ZNF704: variants seen among roughly 807,000 people sequenced by gnomAD.
The protein encoded by ZNF704 is zinc finger protein 704.
ZNF704 carries 10 observed loss-of-function variants against 44.7 expected under a neutral mutation model. The ratio of observed to expected loss-of-function variants is 0.22; its 90% CI spans 0.14 to 0.38. The LOEUF (loss-of-function observed/expected upper bound fraction) is 0.38, where lower values mean the gene tolerates loss of function less well. ZNF704 is among the 10% of genes least tolerant of loss of function. The pLI is 1.00. For missense variants in ZNF704, 390 were observed against 545.5 expected (o/e 0.71, Z 2.84); for synonymous variants, 211 against 207.6 (o/e 1.02, Z -0.14).
chr8:80,700,998 C>T (rs1271007577), intron 2 of ZNF704, among the ~76,000 whole-genome samples: 1 of 152,078 alleles, frequency 6.6e-6, no homozygotes, highest in Non-Finnish European at 1.5e-5. Flanking sequence ...TACTTCTGAC[C>T]TAGAACAGCT....
chr8:80,863,902 C>T (rs1019228964), intron 1 of ZNF704, among the ~76,000 whole-genome samples: 2 of 152,138 alleles, frequency 1.3e-5, no homozygotes, highest in African/African-American at 4.8e-5. Flanking sequence ...ATTAAATACA[C>T]TTTCCTGGAT....
chr8:80,704,292 T>C (rs115092668), intron 2 of ZNF704, among the ~76,000 whole-genome samples: 377 of 152,360 alleles, frequency 2.5e-3, no homozygotes, highest in African/African-American at 8.4e-3. Flanking sequence ...GCGCTTTTGA[T>C]TGCAGCCAAC....
At chr8:80,664,074 C>G (rs1453544185) in intron 6 of ZNF704, among the ~76,000 whole-genome samples, 1 of 151,100 alleles carries the variant, frequency 6.6e-6, no homozygotes, top group South Asian at 2.1e-4. Context: ...TGCCAGGCAC[C>G]ATTTTGAGGG....
chr8:80,651,910 G>C (rs1431349394), intron 7 of ZNF704, among the ~76,000 whole-genome samples: 27 of 151,844 alleles, frequency 1.8e-4, no homozygotes, highest in Non-Finnish European at 1.3e-4. Flanking sequence ...TGACCACATA[G>C]TTGGAAGTAA....
At chr8:80,645,469 G>A (rs559667103) in intron 7 of ZNF704, among the ~76,000 whole-genome samples, 2 of 152,284 alleles carry the variant, frequency 1.3e-5, no homozygotes, top group East Asian at 1.9e-4. Flanking sequence ...TGAATTTCAT[G>A]TTGAAAAGTA....
intron 2 of ZNF704, among the ~76,000 whole-genome samples, chr8:80,759,516 C>G (rs1056900843): frequency 1.3e-5 from 2 of 152,142 alleles, no homozygotes; most frequent in Non-Finnish European, 2.9e-5. Context: ...GTGTCACCTT[C>G]ATAATTAGGC....
At chr8:80,658,011 T>C (rs1448345543) in intron 7 of ZNF704, among the ~76,000 whole-genome samples, 1 of 152,102 alleles carries the variant, frequency 6.6e-6, no homozygotes, top group African/African-American at 2.4e-5. Context: ...TATCCTAGTG[T>C]GTAAGACACA....
chr8:80,862,597 CAA>C (rs10523461), intron 1 of ZNF704, among the ~76,000 whole-genome samples: 17 of 100,066 alleles, frequency 1.7e-4, no homozygotes, highest in African/African-American at 1.7e-4. Context: ...TTGTCTCTAC[CAA>C]AAAAAAAAAA....
intron 1 of ZNF704, among the ~76,000 whole-genome samples, chr8:80,854,252 C>A (rs1808920568): frequency 6.6e-6 from 1 of 152,184 alleles, no homozygotes; most frequent in Non-Finnish European, 1.5e-5. Context: ...ATTTCCATTA[C>A]ATGTTAACCC....
intron 1 of ZNF704, among the ~76,000 whole-genome samples, chr8:80,866,442 A>G (rs1415876726): frequency 1.3e-5 from 2 of 152,200 alleles, no homozygotes; most frequent in Non-Finnish European, 2.9e-5. Flanking sequence ...TGGACCTCAC[A>G]CCCAAAGAAA....
At chr8:80,767,292 A>G (rs555661884) in intron 2 of ZNF704, among the ~76,000 whole-genome samples, 129 of 152,084 alleles carry the variant, frequency 8.5e-4, no homozygotes, top group Admixed American at 7.9e-4. Flanking sequence ...ATTTGATTTC[A>G]CCCATTAAAG....
At chr8:80,856,606 A>G (rs1202573739) in intron 1 of ZNF704, among the ~76,000 whole-genome samples, 1 of 152,134 alleles carries the variant, frequency 6.6e-6, no homozygotes, top group Non-Finnish European at 1.5e-5. Flanking sequence ...TTCCAGATGA[A>G]TAGTCTTTCC....
intron 2 of ZNF704, among the ~76,000 whole-genome samples, chr8:80,762,866 A>C (rs966933248): frequency 2.6e-5 from 4 of 152,232 alleles, no homozygotes; most frequent in African/African-American, 9.6e-5. Flanking sequence ...GATTGGATAA[A>C]TGCTCCCATT....
chr8:80,828,313 C>T (rs1373719757), intron 1 of ZNF704, among the ~76,000 whole-genome samples: 1 of 152,122 alleles, frequency 6.6e-6, no homozygotes, highest in Non-Finnish European at 1.5e-5. Flanking sequence ...CCTTAATGAA[C>T]TGAATCTTGT....
chr8:80,859,174 A>C (rs1809016930), intron 1 of ZNF704, among the ~76,000 whole-genome samples: 1 of 152,206 alleles, frequency 6.6e-6, no homozygotes, highest in Non-Finnish European at 1.5e-5. Flanking sequence ...TTCTTGATAA[A>C]TTGACTCTTA....
At chr8:80,715,060 T>C (rs1375149089) in intron 2 of ZNF704, among the ~76,000 whole-genome samples, 1 of 152,178 alleles carries the variant, frequency 6.6e-6, no homozygotes, top group African/African-American at 2.4e-5. Flanking sequence ...TCAAATTAAA[T>C]TACTCATTAA....
At chr8:80,714,702 T>C (rs1051796162) in intron 2 of ZNF704, among the ~76,000 whole-genome samples, 7 of 152,212 alleles carry the variant, frequency 4.6e-5, no homozygotes, top group African/African-American at 1.7e-4. Context: ...TTAGCGACCA[T>C]TAGTTTCTAT....
intron 1 of ZNF704, among the ~76,000 whole-genome samples, chr8:80,848,608 G>A (rs1012914095): frequency 6.6e-6 from 1 of 152,024 alleles, no homozygotes; most frequent in Non-Finnish European, 1.5e-5. Context: ...ACTTTGGGGG[G>A]CCAAGGTGGG....
Position 80,633,700 on chromosome 8 carries a change from C to T in ZNF704, c.*7666G>A, listed in dbSNP as rs1466855218. On this transcript the variant is annotated 3_prime_UTR_variant, in exon 9 of 9. Transcript: ENST00000327835. ...TGATTTTAAATATTCCTATTCTACA[C>T]TGGGTTCTTACAAAGATCAAATGAA... 6.6e-6 allele frequency: 1 copy of T among 152,188 alleles called. No individual in the cohort carries two copies. The highest frequency in any genetic ancestry group is 1.5e-5 in the Non-Finnish European group (1 of 68,046). 9.4% of individuals were successfully genotyped at this position (152,188 alleles called of 1,614,324 possible).
Sources: allele counts gnomAD v4.1 joint callset (sites outside exome capture counted in the v4.1 genomes callset), GRCh38; gene constraint gnomAD v4.1.1; transcripts MANE v1.5; gene names NCBI Gene and HGNC (gene_info 2026-07-23, HGNC 2026-07-21).